The following PRORP variants were observed in gnomAD, a reference collection of about 807,000 sequenced individuals.
PRORP encodes the protein mitochondrial ribonuclease P catalytic subunit.
A neutral mutation model predicts 59.4 loss-of-function variants in PRORP; 51 were observed. The observed-to-expected ratio is 0.86, with a 90% CI of 0.69 to 1.08. The LOEUF is 1.08. PRORP is among the 50% of genes least tolerant of loss of function. The pLI, the probability that PRORP is intolerant of heterozygous loss-of-function variation, is 0.00. For synonymous variants in PRORP, 231 were observed against 245.6 expected (o/e 0.94, Z 0.55); for missense variants, 646 against 690.3 (o/e 0.94, Z 0.72).
chr14:35,186,408 G>A (rs1162047246), intron 5 of PRORP, among the ~76,000 whole-genome samples: 2 of 151,278 alleles, frequency 1.3e-5, no homozygotes, highest in Non-Finnish European at 2.9e-5. Context: ...CCCTTTTAAA[G>A]TGCACAATTC....
At chr14:35,195,026 A>G (rs2048975104) in intron 5 of PRORP, among the ~76,000 whole-genome samples, 1 of 152,182 alleles carries the variant, frequency 6.6e-6, no homozygotes, top group Non-Finnish European at 1.5e-5. Context: ...TTTATATGAA[A>G]CTTATATTTG....
intron 5 of PRORP, among the ~76,000 whole-genome samples, chr14:35,226,735 A>G (rs1595345165): frequency 7.0e-6 from 1 of 143,280 alleles, no homozygotes; most frequent in East Asian, 1.9e-4. Context: ...AATTATTATT[A>G]TTATTTCATT....
intron 5 of PRORP, among the ~76,000 whole-genome samples, chr14:35,232,406 C>A (rs2050105082): frequency 6.6e-6 from 1 of 151,880 alleles, no homozygotes; most frequent in South Asian, 2.1e-4. Flanking sequence ...GAGATGGGGT[C>A]TCACTGTGTT....
intron 5 of PRORP, among the ~76,000 whole-genome samples, chr14:35,213,299 G>A (rs1377834267): frequency 2.0e-5 from 3 of 151,982 alleles, no homozygotes; most frequent in Non-Finnish European, 2.9e-5. Context: ...GGTTGGGCAC[G>A]GTGGCTCATT....
intron 6 of PRORP, among the ~76,000 whole-genome samples, chr14:35,268,895 C>T (rs950108405): frequency 6.6e-6 from 1 of 152,126 alleles, no homozygotes; most frequent in African/African-American, 2.4e-5. Context: ...CGCCTGGCCC[C>T]CAAATCATTT....
intron 5 of PRORP, among the ~76,000 whole-genome samples, chr14:35,251,137 G>A (rs1341137882): frequency 1.3e-5 from 2 of 152,138 alleles, no homozygotes; most frequent in East Asian, 3.8e-4. Flanking sequence ...TTCCATTCCT[G>A]AGTTACTTCA....
At chr14:35,152,745 C>G (rs1323365244) in intron 4 of PRORP, among the ~76,000 whole-genome samples, 3 of 152,088 alleles carry the variant, frequency 2.0e-5, no homozygotes, top group African/African-American at 7.2e-5. Context: ...CTCCTCACCT[C>G]CCAGACGGGG....
intron 5 of PRORP, among the ~76,000 whole-genome samples, chr14:35,207,367 G>A (rs2049321087): frequency 6.6e-6 from 1 of 152,162 alleles, no homozygotes; most frequent in South Asian, 2.1e-4. Context: ...AAGAACTGTT[G>A]TAATCACAAA....
intron 5 of PRORP, among the ~76,000 whole-genome samples, chr14:35,243,301 G>A (rs1410019243): frequency 1.3e-5 from 2 of 152,160 alleles, no homozygotes; most frequent in Non-Finnish European, 2.9e-5. Flanking sequence ...GGAGGCAGAG[G>A]CAGGCAGATC....
intron 4 of PRORP, among the ~76,000 whole-genome samples, chr14:35,140,407 CATT>C (rs2047457854): frequency 6.9e-6 from 1 of 145,336 alleles, no homozygotes; most frequent in Non-Finnish European, 1.5e-5. Flanking sequence ...AGTGGTATCT[CATT>C]GTGATTTTAA....
intron 5 of PRORP, among the ~76,000 whole-genome samples, chr14:35,211,055 G>A (rs980680173): frequency 1.4e-4 from 21 of 151,914 alleles, no homozygotes; most frequent in African/African-American, 4.8e-4. Context: ...TTATAGATGC[G>A]AGCCACCACG....
intron 4 of PRORP, among the ~76,000 whole-genome samples, chr14:35,179,797 G>A (rs1421188342): frequency 2.0e-5 from 3 of 152,202 alleles, no homozygotes; most frequent in African/African-American, 7.2e-5. Context: ...TCCTTTGGAG[G>A]GGGAGAGGTG....
At chr14:35,132,258 G>A (rs1595164783) in intron 4 of PRORP, among the ~76,000 whole-genome samples, 1 of 141,736 alleles carries the variant, frequency 7.1e-6, no homozygotes, top group Non-Finnish European at 1.5e-5. Flanking sequence ...AGGAGTTCGA[G>A]ACCAGCCTGG....
At chr14:35,251,144 T>C (rs2050602787) in intron 5 of PRORP, among the ~76,000 whole-genome samples, 1 of 152,232 alleles carries the variant, frequency 6.6e-6, no homozygotes, top group Non-Finnish European at 1.5e-5. Context: ...CCTGAGTTAC[T>C]TCACTTAGAA....
At chr14:35,158,589 C>G (rs1224232466) in intron 4 of PRORP, 8 of 290,890 alleles carry the variant, frequency 2.8e-5, no homozygotes, top group Admixed American at 4.5e-5. Flanking sequence ...CCTGAAGGAG[C>G]AGTGAAGTAT....
chr14:35,213,027 C>CT (rs2049490221), intron 5 of PRORP, among the ~76,000 whole-genome samples: 1 of 152,210 alleles, frequency 6.6e-6, no homozygotes, highest in Non-Finnish European at 1.5e-5. Context: ...GAGATGCCTA[C>CT]TTTCTTTAAA....
At chr14:35,189,878 T>C (rs1388748582) in intron 5 of PRORP, among the ~76,000 whole-genome samples, 1 of 148,716 alleles carries the variant, frequency 6.7e-6, no homozygotes, top group Non-Finnish European at 1.5e-5. Context: ...TGGGAGGCTG[T>C]GGCGGGTGGA....
At chr14:35,150,675 G>C (rs890856651) in intron 4 of PRORP, among the ~76,000 whole-genome samples, 4 of 152,144 alleles carry the variant, frequency 2.6e-5, no homozygotes, top group Admixed American at 2.6e-4. Context: ...TTGAAGCAGT[G>C]TACTTTCCTC....
intron 4 of PRORP, among the ~76,000 whole-genome samples, chr14:35,169,695 C>G (rs1422129360): frequency 8.6e-6 from 1 of 116,740 alleles, no homozygotes; most frequent in Non-Finnish European, 1.9e-5. Context: ...GTCTTCCCTT[C>G]AACACCTGGG....
Sources: allele counts gnomAD v4.1 joint callset (sites outside exome capture counted in the v4.1 genomes callset), GRCh38; gene constraint gnomAD v4.1.1; transcripts MANE v1.5; gene names NCBI Gene and HGNC (gene_info 2026-07-23, HGNC 2026-07-21).